The following BEST2 variants were observed in gnomAD, a reference collection of about 807,000 sequenced individuals.
BEST2 encodes bestrophin 2.
Under a neutral mutation model 49.0 loss-of-function variants are expected in BEST2, and 36 were observed. The ratio of observed to expected loss-of-function variants is 0.73; its 90% CI spans 0.56 to 0.97. The LOEUF is 0.97. BEST2 is among the 50% of genes least tolerant of loss of function. BEST2 has a pLI of 0.00. For synonymous variants in BEST2, 335 were observed against 304.4 expected (o/e 1.10, Z -1.05); for missense variants, 672 against 710.0 (o/e 0.95, Z 0.61).
chr19:12,755,569 C>T lies in BEST2; in HGVS notation c.715-46C>T. 6.2e-7 allele frequency: 1 copy of T among 1,609,246 alleles called. No homozygotes were observed. The highest frequency in any genetic ancestry group is 8.5e-7 in the Non-Finnish European group (1 of 1,176,722). ...CCATCATAATGATGCCTAATCCTAG[C>T]CTTGGACCCCAATGACCCCCCTGAG... On this transcript the variant is annotated intron_variant, in intron 6 of 9. Coordinates refer to ENST00000553030, the MANE Select transcript of BEST2 (RefSeq NM_017682.3). The surrounding 1 kb of genome is among the most constrained non-coding windows in gnomAD (Gnocchi z 4.4).
chr19:12,757,556 A>T, intron 9 of BEST2, 95 bp from the exon 10 acceptor site: 3 of 1,352,672 alleles, frequency 2.2e-6, no homozygotes, highest in Non-Finnish European at 3.0e-6. Flanking sequence ...AGTGGGACAA[A>T]GCGGTGGGTG....
In BEST2 at chr19:12,757,970, C is replaced by T. The variant is rs752849579; in HGVS notation, c.1423C>T (p.Pro475Ser). 3 of 1,609,114 alleles carry T rather than the reference C, an allele frequency of 1.9e-6. No homozygotes were observed. Among genetic ancestry groups the T allele is most frequent in the African/African-American group, 2.7e-5 (2 of 75,042 alleles). ...PAGPEPLTLI[P>S]GPVEPFSIVT... ...GGGTCCCGAACCGCTTACCCTCATC[C>T]CTGGGCCTGTCGAGCCCTTCAGCAT... is the stretch of plus-strand genomic sequence containing the variant. The change falls in exon 10 of 10, where the codon CCT becomes TCT. Residue 475 changes from proline to serine, a missense_variant. By Grantham distance (74) the Pro-to-Ser change is moderately conservative. This residue lies in a region of BEST2 where 291 missense variants were observed against 279.8 expected (regional missense o/e 1.04). Coordinates refer to ENST00000553030, the MANE Select transcript of BEST2 (RefSeq NM_017682.3).
chr19:12,753,390 C>G (rs1439278189), intron 3 of BEST2, 36 bp downstream of exon 3: 1 of 1,588,340 alleles, frequency 6.3e-7, no homozygotes, highest in African/African-American at 1.3e-5. Context: ...TTCCCATGTC[C>G]CTGAGAAACC....
chr19:12,754,776 G>GT lies in BEST2; in HGVS notation c.473dup (p.Glu159GlyfsTer14). The GT allele has an allele frequency of 6.3e-6, 10 of 1,580,894 alleles. No homozygotes were observed. The highest frequency in any genetic ancestry group is 8.6e-6 in the Non-Finnish European group (10 of 1,163,034). On this transcript the variant is annotated frameshift_variant, in exon 4 of 10. Coordinates refer to ENST00000553030, the MANE Select transcript of BEST2 (RefSeq NM_017682.3). LOFTEE classifies it high-confidence loss of function. The stretch of plus-strand genomic sequence containing the variant: ...GCGCTTCCCCACCATAGACCACGTG[G>GT]TGGAGGCTGGTGAGTACTCGGCCAG...
At chr19:12,757,312 T>C (rs1241273458) in intron 9 of BEST2, among the ~76,000 whole-genome samples, 1 of 151,902 alleles carries the variant, frequency 6.6e-6, no homozygotes, top group Admixed American at 6.6e-5. Context: ...CTCAGGAGGC[T>C]GAGACAGGAG....
chr19:12,757,235 A>T (rs907055237), intron 9 of BEST2, among the ~76,000 whole-genome samples: 2 of 152,174 alleles, frequency 1.3e-5, no homozygotes, highest in African/African-American at 4.8e-5. Context: ...CAACATGGTG[A>T]AACCCCATCT....
Position 12,752,592 on chromosome 19 carries a change from G to C in BEST2, c.-1G>C, listed in dbSNP as rs769975830. On this transcript the variant is annotated 5_prime_UTR_variant, in exon 2 of 10. Transcript: ENST00000553030. ...CTTGGCCACACCTGCCGGGTGCCACGATGACCGTCACCTACACAGCCCGAG... is the reference window on the plus strand; with the variant it reads ...CTTGGCCACACCTGCCGGGTGCCACCATGACCGTCACCTACACAGCCCGAG... 2.5e-6 allele frequency: 4 copies of C among 1,611,174 alleles called. No individual in the cohort carries two copies. Among genetic ancestry groups the C allele is most frequent in the Non-Finnish European group, 3.4e-6 (4 of 1,179,536 alleles).
rs539645766 is a variant in BEST2, at chr19:12,757,171, G to A, written c.1104-480G>A. Among the ~76,000 whole-genome samples, 111 of 151,522 alleles carry A rather than the reference G, an allele frequency of 7.3e-4. 1 individual carries two copies. The highest frequency in any genetic ancestry group is 2.6e-3 in the African/African-American group (108 of 41,284). On this transcript the variant is annotated intron_variant, in intron 9 of 9. Coordinates refer to ENST00000553030, the MANE Select transcript of BEST2 (RefSeq NM_017682.3). ...AACATAAAAATAGGCCGGGTGCGGT[G>A]GCTCACGCCAAGGTGGGCAGATCAC... is the stretch of plus-strand genomic sequence containing the variant.
Position 12,758,247 on chromosome 19 carries a change from C to A in BEST2, c.*170C>A. 1.2e-6 allele frequency: 1 copy of A among 854,344 alleles called. No homozygotes were observed. The highest frequency in any genetic ancestry group is 1.8e-6 in the Non-Finnish European group (1 of 568,070). 52.9% of individuals were successfully genotyped at this position (854,344 alleles called of 1,614,324 possible). A position where few individuals can be genotyped will look rare whatever the true frequency, so the allele number is the denominator to read the frequency against. ...CGCTGTGCTAGGGGCGGGAGTTCTTCCAGACTCTTGGACCAGCCCGCCCTG... is the reference window on the plus strand; with the variant it reads ...CGCTGTGCTAGGGGCGGGAGTTCTTACAGACTCTTGGACCAGCCCGCCCTG... On this transcript the variant is annotated 3_prime_UTR_variant, in exon 10 of 10. Transcript: ENST00000553030.
chr19:12,755,794 T>C lies in BEST2; in HGVS notation c.867+27T>C. On this transcript the variant is annotated intron_variant, in intron 7 of 9. Coordinates refer to ENST00000553030, the MANE Select transcript of BEST2 (RefSeq NM_017682.3). This position sits in a 1 kb window ranked among gnomAD's most constrained non-coding sequence, Gnocchi z 4.4. ...TAGGTGGGTGATCCAGGCTGGAATT[T>C]CGTGGGTGGGGCGGGCATGGGGTTC... 6.2e-7 allele frequency: 1 copy of C among 1,613,630 alleles called. No individual in the cohort carries two copies.
chr19:12,752,598 C>T lies in BEST2; in HGVS notation c.6C>T (p.Thr2=), dbSNP rs773344901. Residue 2 remains threonine (T), a synonymous_variant, in exon 2 of 10, where the codon ACC becomes ACT. Coordinates refer to ENST00000553030, the MANE Select transcript of BEST2 (RefSeq NM_017682.3). M[T]VTYTARVANA... is the part of the protein sequence containing the mutation. ...CACACCTGCCGGGTGCCACGATGAC[C>T]GTCACCTACACAGCCCGAGTGGCGA... is the stretch of plus-strand genomic sequence containing the variant. 17 of 1,611,634 alleles carry T rather than the reference C, an allele frequency of 1.1e-5. No homozygotes were observed. In the East Asian group the frequency reaches 1.6e-4, roughly 15 times the overall value.
intron 2 of BEST2, 57 bp from the exon 3 acceptor site, chr19:12,753,203 T>C: frequency 6.4e-7 from 1 of 1,574,186 alleles, no homozygotes; most frequent in Non-Finnish European, 8.7e-7. Flanking sequence ...AAGAGAGATC[T>C]GAAGCTGGGG....
Position 12,755,058 on chromosome 19 carries a change from A to G in BEST2, c.636+27A>G, listed in dbSNP as rs988876016. The G allele has an allele frequency of 1.3e-6, 2 of 1,575,552 alleles. No individual in the cohort carries two copies. Among genetic ancestry groups the G allele is most frequent in the East Asian group, 2.2e-5 (1 of 44,562 alleles). On this transcript the variant is annotated intron_variant, in intron 5 of 9. Transcript: ENST00000553030. The surrounding 1 kb of genome is among the most constrained non-coding windows in gnomAD (Gnocchi z 4.4). Reference sequence around the variant, plus strand: ...TGGGCCCAACCAGGAGGTCATTCATATAGAATACCAGGGAAATTGTACCCC... The same window carrying G: ...TGGGCCCAACCAGGAGGTCATTCATGTAGAATACCAGGGAAATTGTACCCC...
rs778966249 is a variant in BEST2 at position 12,755,671 on chromosome 19, C to T, written c.771C>T (p.Phe257=). The T allele has an allele frequency of 1.9e-6, 3 of 1,614,108 alleles. No individual in the cohort carries two copies. The highest frequency in any genetic ancestry group is 1.7e-6 in the Non-Finnish European group (2 of 1,180,036). The change falls in exon 7 of 10, where the codon TTC becomes TTT. Residue 257 remains phenylalanine (F), a synonymous_variant. Transcript: ENST00000553030. This position sits in a 1 kb window ranked among gnomAD's most constrained non-coding sequence, Gnocchi z 4.4. ...TGGCTTGCCTCATTGGTCGCCAGTT[C>T]CTGGACCCGGCTCAGGGTTACAAAG... ...YFLACLIGRQ[F]LDPAQGYKDH... is the part of the protein sequence containing the mutation.
In BEST2 at chr19:12,755,584, A is replaced by AC. The variant is rs1354078861; in HGVS notation, c.715-25dup. The AC allele has an allele frequency of 1.2e-6, 2 of 1,608,274 alleles. No individual in the cohort carries two copies. The highest frequency in any genetic ancestry group is 1.7e-6 in the Non-Finnish European group (2 of 1,176,442). ...CTAATCCTAGCCTTGGACCCCAATG[A>AC]CCCCCCTGAGCCCTGCCCCGCCCTG... On this transcript the variant is annotated intron_variant, in intron 6 of 9. Coordinates refer to ENST00000553030, the MANE Select transcript of BEST2 (RefSeq NM_017682.3). This position sits in a 1 kb window ranked among gnomAD's most constrained non-coding sequence, Gnocchi z 4.4.
At chr19:12,752,908 G>A (rs1396674491) in intron 2 of BEST2, among the ~76,000 whole-genome samples, 164 bp downstream of exon 2, 1 of 148,528 alleles carries the variant, frequency 6.7e-6, no homozygotes, top group African/African-American at 2.5e-5. Context: ...GAGTGCAGTG[G>A]CATAATCTTC....
rs1330834028 is a variant in BEST2 at position 12,754,619 on chromosome 19, G to T, written c.315G>T (p.Ala105=). Residue 105 remains alanine (A), a synonymous_variant, in exon 4 of 10, where the codon GCG becomes GCT. Transcript: ENST00000553030. ...ACCTATGCATGCCGCTGCCCGACGCGCTCATGTGCGTGGTGGCGGGCACCG... is the reference window on the plus strand; with the variant it reads ...ACCTATGCATGCCGCTGCCCGACGCTCTCATGTGCGTGGTGGCGGGCACCG... ...SQYLCMPLPD[A]LMCVVAGTVH... The T allele has an allele frequency of 3.8e-6, 6 of 1,563,272 alleles. No individual in the cohort carries two copies. Among genetic ancestry groups the T allele is most frequent in the South Asian group, 1.2e-5 (1 of 85,672 alleles).
Position 12,755,551 on chromosome 19 carries a change from A to G in BEST2, c.715-64A>G. On this transcript the variant is annotated intron_variant, in intron 6 of 9. Transcript: ENST00000553030. The surrounding 1 kb of genome is among the most constrained non-coding windows in gnomAD (Gnocchi z 4.4). ...AAGAACTAGCTAAGACCCCCATCAT[A>G]ATGATGCCTAATCCTAGCCTTGGAC... The G allele has an allele frequency of 6.2e-7, 1 of 1,608,864 alleles. No individual in the cohort carries two copies. The highest frequency in any genetic ancestry group is 8.5e-7 in the Non-Finnish European group (1 of 1,175,958).
chr19:12,756,321 G>T, intron 9 of BEST2, 26 bp downstream of exon 9: 1 of 1,609,708 alleles, frequency 6.2e-7, no homozygotes, highest in Non-Finnish European at 8.5e-7. Flanking sequence ...GGGCAGGGCC[G>T]CCTGGGGCAG....
Sources: allele counts gnomAD v4.1 joint callset (sites outside exome capture counted in the v4.1 genomes callset), GRCh38; gene constraint gnomAD v4.1.1; regional missense constraint gnomAD v4.1.1; non-coding constraint Gnocchi (gnomAD v3.1); transcripts MANE v1.5; gene names NCBI Gene and HGNC (gene_info 2026-07-23, HGNC 2026-07-21).